Variants in MARCHF5 observed in about 807,000 individuals in gnomAD.
The protein encoded by MARCHF5 is membrane associated ring-CH-type finger 5, also known as E3 ubiquitin-protein ligase MARCHF5.
Under a neutral mutation model 36.5 loss-of-function variants are expected in MARCHF5, and 5 were observed. The observed-to-expected ratio is 0.14, with a 90% confidence interval of 0.07 to 0.29. The LOEUF (loss-of-function observed/expected upper bound fraction) is 0.29, where lower values mean the gene tolerates loss of function less well. Among genes scored for constraint, MARCHF5 ranks in the 10% least tolerant of loss-of-function variants. The pLI is 1.00. For synonymous variants in MARCHF5, 103 were observed against 109.9 expected, an observed-to-expected ratio of 0.94 and a Z score of 0.39; for missense variants, 179 against 336.3, an observed-to-expected ratio of 0.53 and a Z score of 3.66.
At chr10:92,304,454 CAA>C (rs1202771403) in intron 1 of MARCHF5, among the ~76,000 whole-genome samples, 1 of 151,996 alleles carries the variant, frequency 6.6e-6, no homozygotes, top group East Asian at 1.9e-4. Flanking sequence ...AAGAATAAAA[CAA>C]AATATATAGG....
intron 2 of MARCHF5, among the ~76,000 whole-genome samples, chr10:92,323,246 C>T (rs564967369): frequency 6.6e-6 from 1 of 152,194 alleles, no homozygotes; most frequent in East Asian, 1.9e-4. Flanking sequence ...GATTTTAGAG[C>T]CTTTTTAGGT....
intron 4 of MARCHF5, 40 bp downstream of exon 4, chr10:92,349,572 T>C (rs772247257): frequency 6.3e-7 from 1 of 1,598,188 alleles, no homozygotes; most frequent in Non-Finnish European, 8.5e-7. Context: ...CATACCAAAT[T>C]GATCTTGAAG....
At chr10:92,350,661 CAGTGTGAGTTTA>C (rs773838296) in intron 5 of MARCHF5, among the ~76,000 whole-genome samples, 75 of 152,306 alleles carry the variant, frequency 4.9e-4, no homozygotes, top group Non-Finnish European at 8.7e-4. Context: ...GTGGCAGGCT[CAGTGTGAGTTTA>C]CTCACATCCT....
At chr10:92,312,775 C>T (rs1206227443) in intron 2 of MARCHF5, among the ~76,000 whole-genome samples, 1 of 152,244 alleles carries the variant, frequency 6.6e-6, no homozygotes, top group Non-Finnish European at 1.5e-5. Flanking sequence ...CTGAAAACTA[C>T]ATCAAGTTGA....
chr10:92,295,439 G>T (rs1464442430), intron 1 of MARCHF5, among the ~76,000 whole-genome samples: 2 of 139,862 alleles, frequency 1.4e-5, no homozygotes, highest in East Asian at 2.1e-4. Context: ...ACAGAGTCTC[G>T]CTCAGTCGCC....
chr10:92,324,522 C>T (rs1395393977), intron 2 of MARCHF5, among the ~76,000 whole-genome samples: 1 of 152,206 alleles, frequency 6.6e-6, no homozygotes, highest in Non-Finnish European at 1.5e-5. Flanking sequence ...CTACCACGCC[C>T]GGCTAATTTT....
At chr10:92,345,348 C>G (rs1419309778) in intron 3 of MARCHF5, among the ~76,000 whole-genome samples, 2 of 151,828 alleles carry the variant, frequency 1.3e-5, no homozygotes, top group Non-Finnish European at 2.9e-5. Flanking sequence ...CCATCTCTAC[C>G]AAAAATACAA....
intron 1 of MARCHF5, among the ~76,000 whole-genome samples, chr10:92,307,920 G>C (rs959554647): frequency 2.0e-4 from 30 of 151,792 alleles, no homozygotes; most frequent in African/African-American, 7.2e-4. Flanking sequence ...GCTAAACAAG[G>C]AGAGGATTAT....
At chr10:92,335,132 T>C (rs185046008) in intron 2 of MARCHF5, among the ~76,000 whole-genome samples, 1 of 152,280 alleles carries the variant, frequency 6.6e-6, no homozygotes, top group East Asian at 1.9e-4. Context: ...GTAAGGTACA[T>C]TTATTATAGT....
intron 2 of MARCHF5, among the ~76,000 whole-genome samples, chr10:92,323,496 A>G (rs536898520): frequency 3.6e-4 from 55 of 152,336 alleles, no homozygotes; most frequent in Middle Eastern, 3.4e-3. Flanking sequence ...CAACTGTATA[A>G]TAACATGTAT....
chr10:92,316,092 A>G (rs947256006), intron 2 of MARCHF5, among the ~76,000 whole-genome samples: 2 of 152,244 alleles, frequency 1.3e-5, no homozygotes, highest in Non-Finnish European at 2.9e-5. Flanking sequence ...GAATAAAAGA[A>G]GATACAGAGA....
rs541913738 is a variant in MARCHF5 at position 92,320,888 on chromosome 10, C to G, written c.238+9551C>G. ...CTTAGGCCTTCACATTCACTCATCA[C>G]CCATTCACTGAATCACCCAGAGCAA... On this transcript the variant is annotated intron_variant, in intron 2 of 5. Coordinates refer to ENST00000358935, the MANE Select transcript of MARCHF5 (RefSeq NM_017824.5). Among the ~76,000 whole-genome samples the G allele has an allele frequency of 2.1e-3, 312 of 152,024 alleles. 1 individual carries two copies. Among genetic ancestry groups the G allele is most frequent in the Non-Finnish European group, 3.7e-3 (254 of 68,028 alleles).
chr10:92,330,589 A>G (rs574217270), intron 2 of MARCHF5, among the ~76,000 whole-genome samples: 10 of 152,204 alleles, frequency 6.6e-5, no homozygotes, highest in East Asian at 1.9e-4. Flanking sequence ...TTCCAGAGCT[A>G]TATACCACAA....
intron 2 of MARCHF5, among the ~76,000 whole-genome samples, chr10:92,329,014 A>G (rs1843405999): frequency 6.6e-6 from 1 of 151,928 alleles, no homozygotes; most frequent in African/African-American, 2.4e-5. Context: ...TTGATAATTT[A>G]TTTTTCATTG....
chr10:92,314,432 A>C (rs1843182801), intron 2 of MARCHF5, among the ~76,000 whole-genome samples: 1 of 152,180 alleles, frequency 6.6e-6, no homozygotes, highest in African/African-American at 2.4e-5. Context: ...ACCTGATATC[A>C]GGAGTTCAAG....
At chr10:92,334,397 T>C (rs1843478004) in intron 2 of MARCHF5, 1 of 152,302 alleles carries the variant, frequency 6.6e-6, no homozygotes, top group African/African-American at 2.4e-5. Context: ...AGTACCTGTT[T>C]ATGCTCATTA....
At chr10:92,315,549 A>G (rs977184900) in intron 2 of MARCHF5, among the ~76,000 whole-genome samples, 1 of 152,212 alleles carries the variant, frequency 6.6e-6, no homozygotes, top group African/African-American at 2.4e-5. Flanking sequence ...TCTTGTCCCT[A>G]TTTAATAATG....
chr10:92,348,811 T>C (rs1481172728), intron 3 of MARCHF5, among the ~76,000 whole-genome samples: 2 of 152,064 alleles, frequency 1.3e-5, no homozygotes, highest in Non-Finnish European at 2.9e-5. Flanking sequence ...GTTAGGTCTG[T>C]AGGGTAGACA....
intron 1 of MARCHF5, among the ~76,000 whole-genome samples, chr10:92,309,347 A>T (rs1447171559): frequency 6.6e-6 from 1 of 152,234 alleles, no homozygotes; most frequent in African/African-American, 2.4e-5. Context: ...TGTAAGTCAG[A>T]AACAGATTAA....
Sources: allele counts gnomAD v4.1 joint callset (sites outside exome capture counted in the v4.1 genomes callset), GRCh38; gene constraint gnomAD v4.1.1; transcripts MANE v1.5; gene names NCBI Gene and HGNC (gene_info 2026-07-23, HGNC 2026-07-21).